Variants in ZFYVE9 observed in about 807,000 individuals in gnomAD.
ZFYVE9 encodes the protein zinc finger FYVE domain-containing protein 9.
Under a neutral mutation model 126.7 loss-of-function variants are expected in ZFYVE9, and 43 were observed. That is an observed-to-expected ratio of 0.34 (90% confidence interval 0.27 to 0.44). The LOEUF (loss-of-function observed/expected upper bound fraction) is 0.44, where lower values mean the gene tolerates loss of function less well. Among genes scored for constraint, ZFYVE9 ranks in the 20% least tolerant of loss-of-function variants. The pLI, the probability that ZFYVE9 is intolerant of heterozygous loss-of-function variation, is 1.00. For missense variants in ZFYVE9, 1,476 were observed against 1,697.0 expected, an observed-to-expected ratio of 0.87 and a Z score of 2.29; for synonymous variants, 521 against 597.4, an observed-to-expected ratio of 0.87 and a Z score of 1.87.
chr1:52,213,415 C>G (rs1219219039), intron 1 of ZFYVE9, among the ~76,000 whole-genome samples: 3 of 152,088 alleles, frequency 2.0e-5, no homozygotes, highest in Non-Finnish European at 4.4e-5. Context: ...CTTTGGGAGG[C>G]TGAGGTGGGC....
chr1:52,218,550 T>G (rs970095871), intron 2 of ZFYVE9, among the ~76,000 whole-genome samples: 1 of 152,200 alleles, frequency 6.6e-6, no homozygotes, highest in Non-Finnish European at 1.5e-5. Flanking sequence ...ATACAGTCTT[T>G]GCCTGATGGA....
At chr1:52,273,297 G>A (rs911678320) in intron 7 of ZFYVE9, among the ~76,000 whole-genome samples, 3 of 152,080 alleles carry the variant, frequency 2.0e-5, no homozygotes, top group Non-Finnish European at 2.9e-5. Context: ...GTGAGCCACC[G>A]CACCTGGCCT....
At chr1:52,166,117 CA>C (rs1176711044) in intron 1 of ZFYVE9, among the ~76,000 whole-genome samples, 1 of 152,156 alleles carries the variant, frequency 6.6e-6, no homozygotes, top group African/African-American at 2.4e-5. Context: ...TGAGATTTAA[CA>C]AAGTTAATAA....
chr1:52,308,351 T>C (rs929090426), intron 13 of ZFYVE9, among the ~76,000 whole-genome samples: 4 of 152,028 alleles, frequency 2.6e-5, no homozygotes, highest in Non-Finnish European at 5.9e-5. Flanking sequence ...CAGCTAATTT[T>C]TGTATTTTTT....
chr1:52,154,544 C>G (rs1057189959), intron 1 of ZFYVE9, among the ~76,000 whole-genome samples: 3 of 152,172 alleles, frequency 2.0e-5, no homozygotes, highest in Non-Finnish European at 4.4e-5. Flanking sequence ...GTATTGGATA[C>G]TTTCTGGTGG....
rs535281455 is a variant in ZFYVE9 at position 52,145,575 on chromosome 1, T to C, written c.-143+3172T>C. The stretch of plus-strand genomic sequence containing the variant: ...TAGATTCTGAGTTTCTTATGTACTA[T>C]TGGGGTAACACTACCCCTCCTAGCA... On this transcript the variant is annotated intron_variant, in intron 1 of 18. Coordinates refer to ENST00000287727, the MANE Select transcript of ZFYVE9 (RefSeq NM_004799.4). Among the ~76,000 whole-genome samples the C allele has an allele frequency of 1.5e-3, 228 of 152,288 alleles. 3 individuals carry two copies. Among genetic ancestry groups the C allele is most frequent in the South Asian group, 2.1e-3 (10 of 4,830 alleles).
At chr1:52,145,784 T>C (rs1172470792) in intron 1 of ZFYVE9, among the ~76,000 whole-genome samples, 1 of 152,196 alleles carries the variant, frequency 6.6e-6, no homozygotes, top group Non-Finnish European at 1.5e-5. Flanking sequence ...AGTCTACTTT[T>C]GGGATTTGGA....
intron 1 of ZFYVE9, among the ~76,000 whole-genome samples, chr1:52,185,669 A>G (rs1297926626): frequency 1.3e-5 from 2 of 152,228 alleles, no homozygotes; most frequent in Admixed American, 1.3e-4. Flanking sequence ...CACGCCTGTA[A>G]TCCCAGCACT....
At chr1:52,161,652 T>TA (rs1330588828) in intron 1 of ZFYVE9, among the ~76,000 whole-genome samples, 1 of 152,166 alleles carries the variant, frequency 6.6e-6, no homozygotes, top group African/African-American at 2.4e-5. Flanking sequence ...TTTTTATCTC[T>TA]AAAAAATGAC....
chr1:52,178,363 G>A (rs1320419677), intron 1 of ZFYVE9, among the ~76,000 whole-genome samples: 15 of 141,730 alleles, frequency 1.1e-4, no homozygotes, highest in African/African-American at 3.5e-4. Context: ...ACGGAGTCTC[G>A]CACTATCGCC....
intron 18 of ZFYVE9, among the ~76,000 whole-genome samples, chr1:52,345,285 G>T (rs1030664342): frequency 6.6e-6 from 1 of 152,136 alleles, no homozygotes; most frequent in African/African-American, 2.4e-5. Flanking sequence ...CAACCCTTTA[G>T]CTCCGAGTCA....
chr1:52,207,004 G>T (rs1295020505), intron 1 of ZFYVE9, among the ~76,000 whole-genome samples: 1 of 152,166 alleles, frequency 6.6e-6, no homozygotes, highest in East Asian at 1.9e-4. Flanking sequence ...TATATCATGG[G>T]GAGGGCAATC....
intron 13 of ZFYVE9, among the ~76,000 whole-genome samples, chr1:52,310,289 C>G (rs1035627923): frequency 5.3e-5 from 8 of 152,100 alleles, no homozygotes; most frequent in Admixed American, 3.9e-4. Context: ...ATTATTTTCA[C>G]CATTGTATTA....
intron 14 of ZFYVE9, among the ~76,000 whole-genome samples, chr1:52,334,285 A>G (rs1646370125): frequency 1.3e-5 from 2 of 152,218 alleles, no homozygotes; most frequent in Non-Finnish European, 2.9e-5. Context: ...ATTCGGCTCT[A>G]GTATTATAGT....
chr1:52,198,537 C>A (rs187006995), intron 1 of ZFYVE9, among the ~76,000 whole-genome samples: 1 of 152,048 alleles, frequency 6.6e-6, no homozygotes, highest in Non-Finnish European at 1.5e-5. Context: ...CCTAAATGCT[C>A]GCAAAGAGTT....
intron 4 of ZFYVE9, among the ~76,000 whole-genome samples, chr1:52,258,924 T>G (rs1039389829): frequency 6.6e-6 from 1 of 152,148 alleles, no homozygotes; most frequent in African/African-American, 2.4e-5. Context: ...CTTTGTTTTT[T>G]ATTCAAAAAT....
chr1:52,156,823 C>A (rs1489755008), intron 1 of ZFYVE9, among the ~76,000 whole-genome samples: 4 of 151,148 alleles, frequency 2.6e-5, no homozygotes, highest in Non-Finnish European at 4.4e-5. Flanking sequence ...TTCCTTTCCC[C>A]ACTTTAGTGA....
At chr1:52,327,150 ACT>A (rs1646299108) in intron 13 of ZFYVE9, among the ~76,000 whole-genome samples, 1 of 151,940 alleles carries the variant, frequency 6.6e-6, no homozygotes, top group Non-Finnish European at 1.5e-5. Context: ...ACAGAGTGAG[ACT>A]CTGTCTCAAA....
At chr1:52,143,642 A>G (rs897106282) in intron 1 of ZFYVE9, among the ~76,000 whole-genome samples, 3 of 152,226 alleles carry the variant, frequency 2.0e-5, no homozygotes, top group East Asian at 1.9e-4. Context: ...TTATTTCTGT[A>G]TATTAGGTTT....
Sources: allele counts gnomAD v4.1 joint callset (sites outside exome capture counted in the v4.1 genomes callset), GRCh38; gene constraint gnomAD v4.1.1; transcripts MANE v1.5; gene names NCBI Gene and HGNC (gene_info 2026-07-23, HGNC 2026-07-21).